MRC1: variants seen among roughly 807,000 people sequenced by gnomAD.
The protein encoded by MRC1 is mannose receptor C-type 1.
In MRC1, 62 loss-of-function variants were observed where a neutral mutation model predicts 102.9. That is an observed-to-expected ratio of 0.60 (90% CI 0.49 to 0.74). The LOEUF (loss-of-function observed/expected upper bound fraction) is 0.74. Among genes scored for constraint, MRC1 ranks in the 30% least tolerant of loss-of-function variants. The pLI is 0.00. For synonymous variants in MRC1, 457 were observed against 298.4 expected, an observed-to-expected ratio of 1.53 and a Z score of -5.48; for missense variants, 1,237 against 862.8, an observed-to-expected ratio of 1.43 and a Z score of -5.43.
At chr10:17,869,878 T>C (rs2130674779) in intron 12 of MRC1, among the ~76,000 whole-genome samples, 1 of 152,338 alleles carries the variant, frequency 6.6e-6, no homozygotes, top group Admixed American at 6.5e-5. Context: ...TTTATCTGTA[T>C]CAAAAGTGTC....
rs1324307319 is a variant in MRC1 at position 17,832,331 on chromosome 10, T to C, written c.638-1344T>C. ...ATTCACTTTGGGAAGCCGAGGCGGG[T>C]GGATCACAAGGTCAGGAGATCGAGA... is the stretch of plus-strand genomic sequence containing the variant. On this transcript the variant is annotated intron_variant, in intron 3 of 29. Coordinates refer to ENST00000569591, the MANE Select transcript of MRC1 (RefSeq NM_002438.4). Among the ~76,000 whole-genome samples the C allele has an allele frequency of 1.0e-3, 155 of 150,994 alleles. No homozygotes were observed. In the Middle Eastern group the frequency reaches 0.014, roughly 13 times the overall value.
chr10:17,887,400 C>A (rs1360889103), intron 22 of MRC1, among the ~76,000 whole-genome samples: 2 of 151,784 alleles, frequency 1.3e-5, no homozygotes, highest in Admixed American at 6.6e-5. Context: ...CAAAACAAAA[C>A]AAAACAAAAC....
At chr10:17,867,112 C>G (rs1184423114) in intron 12 of MRC1, among the ~76,000 whole-genome samples, 2 of 144,770 alleles carry the variant, frequency 1.4e-5, no homozygotes, top group Admixed American at 6.9e-5. Context: ...TTCCTTACCC[C>G]CTTACCCTCC....
chr10:17,889,505 A>G (rs1386419005), intron 22 of MRC1, among the ~76,000 whole-genome samples: 6 of 152,134 alleles, frequency 3.9e-5, no homozygotes, highest in Non-Finnish European at 5.9e-5. Context: ...GGCTCGGGCA[A>G]TCCTCCTACC....
rs917831689 is a variant in MRC1, at chr10:17,899,811, T to G, written c.3484-977T>G. Among the ~76,000 whole-genome samples the G allele has an allele frequency of 5.9e-5, 9 of 152,186 alleles. No homozygotes were observed. The South Asian group carries it at 1.9e-3, about 32-fold the overall frequency. ...TCACTAAATTTAATAAGAAATTAAC[T>G]GTGCAGGCCAGGCACGGTGGCTCAC... On this transcript the variant is annotated intron_variant, in intron 24 of 29. Transcript: ENST00000569591.
At chr10:17,823,814 A>G (rs1838434214) in intron 2 of MRC1, among the ~76,000 whole-genome samples, 1 of 152,360 alleles carries the variant, frequency 6.6e-6, no homozygotes, top group African/African-American at 2.4e-5. Flanking sequence ...TTAACATTAT[A>G]AAGTTGTAGT....
chr10:17,888,454 A>G (rs1833630394), intron 22 of MRC1, among the ~76,000 whole-genome samples: 2 of 152,144 alleles, frequency 1.3e-5, no homozygotes, highest in South Asian at 4.1e-4. Context: ...TCACAGTGAC[A>G]TGTCTCTTAA....
At chr10:17,870,150 T>A (rs1008926947) in intron 12 of MRC1, 96 bp from the exon 13 acceptor site, 1 of 707,720 alleles carries the variant, frequency 1.4e-6, no homozygotes, top group African/African-American at 1.8e-5. Context: ...GTTTTGTTTT[T>A]CTGTAAATGA....
At chr10:17,893,455 C>A (rs1005812259) in intron 22 of MRC1, among the ~76,000 whole-genome samples, 2 of 152,136 alleles carry the variant, frequency 1.3e-5, no homozygotes, top group African/African-American at 4.8e-5. Context: ...CTGTGCCTGG[C>A]CTTCTCTTAC....
chr10:17,880,264 T>C (rs960430412), intron 19 of MRC1, among the ~76,000 whole-genome samples: 126 of 152,338 alleles, frequency 8.3e-4, no homozygotes, highest in Non-Finnish European at 1.4e-3. Flanking sequence ...TATGATTAGC[T>C]ACTACCATTT....
intron 28 of MRC1, among the ~76,000 whole-genome samples, chr10:17,909,008 T>C (rs903588347): frequency 5.9e-5 from 9 of 152,318 alleles, no homozygotes; most frequent in Non-Finnish European, 1.0e-4. Context: ...GTGGCTCAAA[T>C]GTAACTTGGA....
chr10:17,853,566 ATATG>A (rs1486632839), intron 8 of MRC1, among the ~76,000 whole-genome samples: 1 of 138,274 alleles, frequency 7.2e-6, no homozygotes, highest in Non-Finnish European at 1.6e-5. Context: ...AAAGAGATAT[ATATG>A]TATGTGTGTG....
chr10:17,896,640 A>G (rs1833759152), intron 23 of MRC1, among the ~76,000 whole-genome samples: 1 of 152,254 alleles, frequency 6.6e-6, no homozygotes, highest in South Asian at 2.1e-4. Flanking sequence ...TTTATAAACT[A>G]TAATTTATCA....
At chr10:17,845,478 TGAAAGATA>T (rs1554840161) in intron 6 of MRC1, 43 bp downstream of exon 6, 1 of 779,776 alleles carries the variant, frequency 1.3e-6, no homozygotes, top group East Asian at 2.4e-5. Context: ...CTATTAGAAT[TGAAAGATA>T]AGTAACATTA....
intron 11 of MRC1, among the ~76,000 whole-genome samples, chr10:17,866,167 T>C (rs1833263540): frequency 6.6e-6 from 1 of 151,938 alleles, no homozygotes; most frequent in Non-Finnish European, 1.5e-5. Context: ...CATTTTGAAA[T>C]CTGTGAAAAA....
Position 17,845,341 on chromosome 10 carries a change from A to G in MRC1, c.969A>G (p.Lys323=), listed in dbSNP as rs1838810221. The G allele has an allele frequency of 3.8e-6, 3 of 780,734 alleles. No individual in the cohort carries two copies. Among genetic ancestry groups the G allele is most frequent in the Middle Eastern group, 2.2e-4 (1 of 4,458 alleles). 48.4% of individuals were successfully genotyped at this position (780,734 alleles called of 1,614,324 possible). ...GKSCVSLNPG[K]NAKWENLECV... Reference sequence around the variant, plus strand: ...GCTGTGTGTCACTAAATCCTGGAAAAAATGCTAAATGGGAAAATCTGGAAT... The same window carrying G: ...GCTGTGTGTCACTAAATCCTGGAAAGAATGCTAAATGGGAAAATCTGGAAT... The change falls in exon 6 of 30, where the codon AAA becomes AAG. Residue 323 remains lysine (K), a synonymous_variant. Coordinates refer to ENST00000569591, the MANE Select transcript of MRC1 (RefSeq NM_002438.4).
chr10:17,902,176 A>G (rs1833837907), intron 26 of MRC1, 54 bp downstream of exon 26: 1 of 741,128 alleles, frequency 1.3e-6, no homozygotes, highest in Non-Finnish European at 2.5e-6. Context: ...TCTGGGGTCC[A>G]CTGACACTAT....
intron 9 of MRC1, among the ~76,000 whole-genome samples, chr10:17,857,256 G>A (rs946243582): frequency 5.3e-5 from 8 of 152,274 alleles, no homozygotes; most frequent in South Asian, 4.1e-4. Context: ...GAGAAGCAAC[G>A]TAGCTTTCTG....
At chr10:17,825,750 A>G (rs1838465700) in intron 2 of MRC1, among the ~76,000 whole-genome samples, 1 of 152,200 alleles carries the variant, frequency 6.6e-6, no homozygotes, top group South Asian at 2.1e-4. Context: ...AAATAAGTAA[A>G]TAAAGCTATA....
Sources: allele counts gnomAD v4.1 joint callset (sites outside exome capture counted in the v4.1 genomes callset), GRCh38; gene constraint gnomAD v4.1.1; transcripts MANE v1.5; gene names NCBI Gene and HGNC (gene_info 2026-07-23, HGNC 2026-07-21).